Variants in MMEL1 observed in about 807,000 individuals in gnomAD.
MMEL1 encodes membrane metallo-endopeptidase-like 1.
A neutral mutation model predicts 117.1 loss-of-function variants in MMEL1; 98 were observed. The ratio of observed to expected loss-of-function variants is 0.84; its 90% CI spans 0.71 to 0.99. The LOEUF is 0.99. Among genes scored for constraint, MMEL1 ranks in the 50% least tolerant of loss-of-function variants. MMEL1 has a pLI of 0.00. For missense variants in MMEL1, 1,014 were observed against 1,049.1 expected, an observed-to-expected ratio of 0.97 and a Z score of 0.46; for synonymous variants, 390 against 415.1, an observed-to-expected ratio of 0.94 and a Z score of 0.74.
chr1:2,621,452 G>T (rs1444649007), intron 2 of MMEL1, among the ~76,000 whole-genome samples: 1 of 152,106 alleles, frequency 6.6e-6, no homozygotes, highest in Non-Finnish European at 1.5e-5. Context: ...CCCTTCTATT[G>T]GTTCCAAGTC....
At position 2,631,533 on chromosome 1, in the gene MMEL1, C is replaced by T. The variant is rs543549918; in HGVS notation, c.-38+1333G>A. On this transcript the variant is annotated intron_variant, in intron 1 of 23. Transcript: ENST00000378412. ...ATTTCAGCGACTCCTCCAGAGATCC[C>T]TGACCTCTGGCTGTGTGAGGAGCGG... Among the ~76,000 whole-genome samples the T allele has an allele frequency of 6.6e-5, 10 of 152,238 alleles. No homozygotes were observed. The East Asian group carries it at 1.7e-3, about 27-fold the overall frequency.
chr1:2,628,083 T>C (rs1052165412), intron 2 of MMEL1, among the ~76,000 whole-genome samples: 3 of 152,240 alleles, frequency 2.0e-5, no homozygotes, highest in African/African-American at 7.2e-5. Context: ...TATGAAAGCC[T>C]GGAAAGCAGG....
In MMEL1 at chr1:2,619,814, A is replaced by G. The variant is rs1485632121; in HGVS notation, c.155-7610T>C. ...CCCAAAAGGCTGAGTTAAGCAACAG[A>G]CATAACAGAACAGAAGATTTAGTGA... On this transcript the variant is annotated intron_variant, in intron 2 of 23. Coordinates refer to ENST00000378412, the MANE Select transcript of MMEL1 (RefSeq NM_033467.4). 2.6e-5 allele frequency among the ~76,000 whole-genome samples: 4 copies of G among 152,230 alleles called. No homozygotes were observed. The East Asian group carries it at 7.7e-4, about 29-fold the overall frequency.
At chr1:2,629,576 G>C in intron 1 of MMEL1, 55 bp from the exon 2 acceptor site, 1 of 1,362,132 alleles carries the variant, frequency 7.3e-7, no homozygotes, top group Non-Finnish European at 9.5e-7. Flanking sequence ...CCCGAGCCCG[G>C]CCCGAGGCTG....
intron 1 of MMEL1, among the ~76,000 whole-genome samples, chr1:2,630,417 T>C (rs954307880): frequency 6.6e-5 from 10 of 152,340 alleles, no homozygotes; most frequent in African/African-American, 2.4e-4. Flanking sequence ...TGTTCTGGTG[T>C]GTGCATGTGC....
In MMEL1 at chr1:2,596,101, C is replaced by A. The variant is rs1644834805; in HGVS notation, c.1408G>T (p.Glu470Ter). 1.9e-6 allele frequency: 3 copies of A among 1,613,806 alleles called. No homozygotes were observed. Among genetic ancestry groups the A allele is most frequent in the Non-Finnish European group, 2.5e-6 (3 of 1,179,850 alleles). ...ACTGTCCGCACCTTGTCAATGAGTT[C>A]TCTGACCTGGGAATCGGGCATGGCC... ...FPGDSKSMVRELIDKVRTVFV... is the reference protein window; with the variant it reads ...FPGDSKSMVR Residue 470 changes from glutamate (E) to a stop codon, truncating the protein, a stop_gained, in exon 15 of 24, where the codon GAA becomes TAA. Transcript: ENST00000378412. LOFTEE classifies it high-confidence loss of function.
Position 2,598,748 on chromosome 1 carries a change from C to T in MMEL1, c.1084G>A (p.Val362Ile), listed in dbSNP as rs574560149. The T allele has an allele frequency of 1.1e-5, 17 of 1,614,086 alleles. No individual in the cohort carries two copies. In the African/African-American group the frequency reaches 2.3e-4, roughly 22 times the overall value. Reference protein sequence around the residue: ...TLFIQTVLSSVKIKLLPDEEV... With the variant: ...TLFIQTVLSSIKIKLLPDEEV... ...TCATCTGGCAGCAGCTTGATTTTGA[C>T]AGAGGATAGCACAGTTTGTATGAAC... The change falls in exon 12 of 24, where the codon GTC becomes ATC. Residue 362 changes from valine (V) to isoleucine (I), a missense_variant. Physicochemically the swap from Val to Ile is conservative, Grantham distance 29. Transcript: ENST00000378412.
At position 2,607,085 on chromosome 1, in the gene MMEL1, G is replaced by A; in HGVS notation, c.536-16C>T. 1 of 1,605,072 alleles carries A rather than the reference G, an allele frequency of 6.2e-7. No individual in the cohort carries two copies. Among genetic ancestry groups the A allele is most frequent in the Non-Finnish European group, 8.5e-7 (1 of 1,173,640 alleles). On this transcript the variant is annotated splice_polypyrimidine_tract_variant and intron_variant, in intron 6 of 23. Coordinates refer to ENST00000378412, the MANE Select transcript of MMEL1 (RefSeq NM_033467.4). ...TCTATCACACCTGAGAAGGGACGCA[G>A]TGGTCACTCTCCCAGCCTCCCTGTG...
intron 10 of MMEL1, 78 bp from the exon 11 acceptor site, chr1:2,604,051 C>T (rs925149560): frequency 2.7e-5 from 42 of 1,581,950 alleles, no homozygotes; most frequent in Non-Finnish European, 3.6e-5. Flanking sequence ...CTGCCTGCTA[C>T]CGGCCCACCC....
At chr1:2,618,195 T>C (rs1645234235) in intron 2 of MMEL1, among the ~76,000 whole-genome samples, 1 of 152,154 alleles carries the variant, frequency 6.6e-6, no homozygotes, top group Non-Finnish European at 1.5e-5. Context: ...ATTGTGGACC[T>C]GATTCTTCAT....
intron 2 of MMEL1, among the ~76,000 whole-genome samples, chr1:2,625,475 C>G (rs1219028734): frequency 2.0e-5 from 3 of 152,222 alleles, no homozygotes; most frequent in African/African-American, 7.2e-5. Flanking sequence ...CCAACGGTGC[C>G]TGGAGTGTCA....
intron 11 of MMEL1, 64 bp from the exon 12 acceptor site, chr1:2,598,854 T>C (rs911869927): frequency 2.1e-6 from 3 of 1,425,012 alleles, no homozygotes; most frequent in Non-Finnish European, 2.9e-6. Context: ...TTCCTGGGAA[T>C]CTAAGAAACC....
Position 2,593,867 on chromosome 1 carries a change from C to T in MMEL1, c.1814G>A (p.Gly605Glu). The T allele has an allele frequency of 1.9e-6, 3 of 1,612,866 alleles. No individual in the cohort carries two copies. The highest frequency in any genetic ancestry group is 1.7e-6 in the Non-Finnish European group (2 of 1,179,402). ...GTGCCCGATCACCATCCCAATGCCT[C>T]CAAAGTTCAAGGCCTGTGGCTGCTC... ...SKEQPQALNF[G>E]GIGMVIGHEI... The change falls in exon 19 of 24, where the codon GGA becomes GAA. Residue 605 changes from glycine to glutamate, a missense_variant. Coordinates refer to ENST00000378412, the MANE Select transcript of MMEL1 (RefSeq NM_033467.4).
In MMEL1 at chr1:2,593,809, C is replaced by T; in HGVS notation, c.1867+5G>A. 6.3e-7 allele frequency: 1 copy of T among 1,597,562 alleles called. No homozygotes were observed. The highest frequency in any genetic ancestry group is 8.5e-7 in the Non-Finnish European group (1 of 1,170,044). On this transcript the variant is annotated splice_donor_5th_base_variant and intron_variant, in intron 19 of 23. Coordinates refer to ENST00000378412, the MANE Select transcript of MMEL1 (RefSeq NM_033467.4). ...GCGTGTGTGATTGGAGGGGCGGCCGCTCACCATTGTCGTCAAAGCCGTGCG... is the reference window on the plus strand; with the variant it reads ...GCGTGTGTGATTGGAGGGGCGGCCGTTCACCATTGTCGTCAAAGCCGTGCG...
chr1:2,596,533 G>T (rs147290642), intron 14 of MMEL1, 28 bp downstream of exon 14: 2 of 1,602,030 alleles, frequency 1.2e-6, no homozygotes, highest in African/African-American at 1.3e-5. Context: ...GGCTGGCCCC[G>T]CGTGGGCCAT....
Position 2,629,477 on chromosome 1 carries a change from TTCC to T in MMEL1, c.5_7del (p.Gly2_Lys3delinsGlu), listed in dbSNP as rs1557564144. 6.6e-7 allele frequency: 1 copy of T among 1,516,452 alleles called. No individual in the cohort carries two copies. The allele number at this position is 1,516,452 out of a possible 1,614,324, so 93.9% of individuals were successfully genotyped here. A position where few individuals can be genotyped will look rare whatever the true frequency, so the allele number is the denominator to read the frequency against. On this transcript the variant is annotated inframe_deletion, in exon 2 of 24. Coordinates refer to ENST00000378412, the MANE Select transcript of MMEL1 (RefSeq NM_033467.4). ...CACCATCCCCACTGGGCCTTCGGACTTCCCCATCAGCAGGGCTCTGGACGGGAG... is the reference window on the plus strand; with the variant it reads ...CACCATCCCCACTGGGCCTTCGGACTCCATCAGCAGGGCTCTGGACGGGAG...
chr1:2,591,209 A>C, intron 23 of MMEL1, 120 bp from the exon 24 acceptor site: 1 of 666,482 alleles, frequency 1.5e-6, no homozygotes, highest in East Asian at 2.8e-5. Context: ...TGTCAGTATG[A>C]GCAGAAACAT....
intron 13 of MMEL1, among the ~76,000 whole-genome samples, 182 bp from the exon 14 acceptor site, chr1:2,596,871 A>T (rs1644851283): frequency 6.6e-6 from 1 of 151,900 alleles, no homozygotes; most frequent in African/African-American, 2.4e-5. Context: ...GGGGGGAAGG[A>T]TGGGCATGGT....
chr1:2,609,854 G>T, intron 4 of MMEL1, 23 bp from the exon 5 acceptor site: 1 of 1,588,438 alleles, frequency 6.3e-7, no homozygotes, highest in Non-Finnish European at 8.6e-7. Context: ...ATGGCGTGGA[G>T]CAGGGAGAGG....
Sources: allele counts gnomAD v4.1 joint callset (sites outside exome capture counted in the v4.1 genomes callset), GRCh38; gene constraint gnomAD v4.1.1; transcripts MANE v1.5; gene names NCBI Gene and HGNC (gene_info 2026-07-23, HGNC 2026-07-21).